Variants in SNTG2 observed in about 807,000 individuals in gnomAD.
SNTG2 encodes the protein gamma-2-syntrophin.
Under a neutral mutation model 70.9 loss-of-function variants are expected in SNTG2, and 74 were observed. The observed-to-expected ratio is 1.04, with a 90% CI of 0.86 to 1.27. SNTG2 has a LOEUF of 1.27. SNTG2 is among the 50% of genes most tolerant of loss of function. SNTG2 has a pLI of 0.00. For synonymous variants in SNTG2, 278 were observed against 273.8 expected (o/e 1.02, Z -0.15); for missense variants, 717 against 690.7 (o/e 1.04, Z -0.43).
At chr2:1,096,399 C>T (rs1206496251) in intron 2 of SNTG2, among the ~76,000 whole-genome samples, 1 of 152,046 alleles carries the variant, frequency 6.6e-6, no homozygotes, top group Non-Finnish European at 1.5e-5. Context: ...TATTATTAAC[C>T]ATAGTCACCA....
chr2:1,173,256 A>G lies in SNTG2; in HGVS notation c.591+73A>G, dbSNP rs1671250318. The G allele has an allele frequency of 2.6e-5, 35 of 1,326,880 alleles. No homozygotes were observed. The South Asian group carries it at 3.8e-4, about 14-fold the overall frequency. 82.2% of individuals were successfully genotyped at this position (1,326,880 alleles called of 1,614,324 possible). A position where few individuals can be genotyped will look rare whatever the true frequency, so the allele number is the denominator to read the frequency against. ...TAGCCCAGAGATAATCTCTAGACAG[A>G]ATTAAAAAGATGCTGTACTGCCCAG... On this transcript the variant is annotated intron_variant, in intron 8 of 16. Transcript: ENST00000308624.
rs1283400610 is a variant in SNTG2, at chr2:951,208, G to T, written c.72+140G>T. On this transcript the variant is annotated intron_variant, in intron 1 of 16. Transcript: ENST00000308624. Reference sequence around the variant, plus strand: ...CTGTCTCCGGGGACGGCTGGCCGGAGGGTGGGCGCCGGAGCCCCGGGACGC... The same window carrying T: ...CTGTCTCCGGGGACGGCTGGCCGGATGGTGGGCGCCGGAGCCCCGGGACGC... 1.4e-5 allele frequency: 6 copies of T among 425,592 alleles called. No individual in the cohort carries two copies. The East Asian group carries it at 2.3e-4, about 16-fold the overall frequency. 26.4% of individuals were successfully genotyped at this position (425,592 alleles called of 1,614,324 possible).
At position 1,353,084 on chromosome 2, in the gene SNTG2, T is replaced by G. The variant is rs1660667267; in HGVS notation, c.1489-14259T>G. Among the ~76,000 whole-genome samples, 1 of 152,024 alleles carries G rather than the reference T, an allele frequency of 6.6e-6. No homozygotes were observed. The highest frequency in any genetic ancestry group is 1.5e-5 in the Non-Finnish European group (1 of 68,002). The stretch of plus-strand genomic sequence containing the variant: ...CACCCCCACCCAGAAATCCACATGG[T>G]GCATTTTCGGAAAACTTTCCAGCCA... On this transcript the variant is annotated intron_variant, in intron 16 of 16. Coordinates refer to ENST00000308624, the MANE Select transcript of SNTG2 (RefSeq NM_018968.4). This position sits in a 1 kb window ranked among gnomAD's most constrained non-coding sequence, Gnocchi z 4.2.
chr2:1,209,199 T>A lies in SNTG2; in HGVS notation c.688T>A (p.Ser230Thr). 1 of 1,613,980 alleles carries A rather than the reference T, an allele frequency of 6.2e-7. No individual in the cohort carries two copies. The highest frequency in any genetic ancestry group is 8.5e-7 in the Non-Finnish European group (1 of 1,179,882). ...CGTGCCTCTGTCCATGGCTCGCATC[T>A]CAAGGTACAAAGCCGGAACGGAAAA... ...LSVPLSMARI[S>T]RYKAGTEKLR... The change falls in exon 9 of 17, where the codon TCA (serine) becomes ACA (threonine). Residue 230 changes from serine to threonine, a missense_variant. Physicochemically the swap from Ser to Thr is moderately conservative, Grantham distance 58 (BLOSUM62 1). Transcript: ENST00000308624.
chr2:1,064,149 G>GA (rs1663002805), intron 1 of SNTG2, among the ~76,000 whole-genome samples: 1 of 151,830 alleles, frequency 6.6e-6, no homozygotes, highest in Non-Finnish European at 1.5e-5. Flanking sequence ...AGTGCTAAAA[G>GA]AAAAAAATAA....
intron 1 of SNTG2, among the ~76,000 whole-genome samples, chr2:1,052,860 T>C (rs1390385414): frequency 1.3e-5 from 2 of 152,206 alleles, no homozygotes; most frequent in Non-Finnish European, 2.9e-5. Context: ...CAGCTGTAAG[T>C]TATTCAGTTG....
intron 1 of SNTG2, among the ~76,000 whole-genome samples, chr2:977,846 C>G (rs1660961635): frequency 6.6e-6 from 1 of 152,174 alleles, no homozygotes; most frequent in Non-Finnish European, 1.5e-5. Context: ...GCAGAGCCTT[C>G]CCGCCTCGTG....
chr2:999,873 G>T (rs1452724116), intron 1 of SNTG2, among the ~76,000 whole-genome samples: 2 of 151,728 alleles, frequency 1.3e-5, no homozygotes, highest in Admixed American at 6.6e-5. Context: ...CAACATATAA[G>T]GTCGCAAAAC....
chr2:1,287,013 G>A (rs572325181), intron 14 of SNTG2, among the ~76,000 whole-genome samples: 74 of 152,302 alleles, frequency 4.9e-4, no homozygotes, highest in African/African-American at 1.7e-3. Flanking sequence ...GACCAGGTGT[G>A]TTCTCCAGGT....
chr2:1,021,033 C>T (rs1187926035), intron 1 of SNTG2, among the ~76,000 whole-genome samples: 3 of 152,064 alleles, frequency 2.0e-5, no homozygotes, highest in Admixed American at 6.5e-5. Flanking sequence ...TATAGAGACA[C>T]TGTGGTTCCT....
At chr2:1,301,487 T>C (rs1445297822) in intron 14 of SNTG2, among the ~76,000 whole-genome samples, 2 of 152,224 alleles carry the variant, frequency 1.3e-5, no homozygotes, top group Non-Finnish European at 2.9e-5. Flanking sequence ...TTCCAGAAAC[T>C]GAACAAACTC....
In SNTG2 at chr2:1,150,883, C is replaced by T. The variant is rs530795933; in HGVS notation, c.411+13074C>T. ...CCGGGGACTTGCCTGGAGCTGGGCT[C>T]CCTCCGTGTGCCCAGAGCAGCCATG... On this transcript the variant is annotated intron_variant, in intron 6 of 16. Coordinates refer to ENST00000308624, the MANE Select transcript of SNTG2 (RefSeq NM_018968.4). Among the ~76,000 whole-genome samples, 399 of 147,130 alleles carry T rather than the reference C, an allele frequency of 2.7e-3. 9 individuals are homozygous for T. The South Asian group carries it at 0.042, about 16-fold the overall frequency.
At chr2:1,012,613 A>AGGGTGGTCTGTAG (rs1659765747) in intron 1 of SNTG2, among the ~76,000 whole-genome samples, 1 of 82,506 alleles carries the variant, frequency 1.2e-5, no homozygotes, top group Admixed American at 1.2e-4. Flanking sequence ...GTGGTCTGGA[A>AGGGTGGTCTGTAG]AGGGATTTAT....
At chr2:986,724 T>C (rs939380183) in intron 1 of SNTG2, among the ~76,000 whole-genome samples, 1 of 148,406 alleles carries the variant, frequency 6.7e-6, no homozygotes, top group African/African-American at 2.6e-5. Context: ...AAATAGAGGG[T>C]TCGTTCTTTT....
chr2:1,364,696 T>C, intron 16 of SNTG2, among the ~76,000 whole-genome samples: 1 of 143,186 alleles, frequency 7.0e-6, no homozygotes, highest in African/African-American at 2.6e-5. Flanking sequence ...GTTGAGACCA[T>C]CCTGGCTAAC....
At chr2:985,026 A>G (rs1053595003) in intron 1 of SNTG2, among the ~76,000 whole-genome samples, 5 of 152,166 alleles carry the variant, frequency 3.3e-5, no homozygotes, top group African/African-American at 1.2e-4. Context: ...AGCATATTAT[A>G]TGTCCATTTT....
intron 7 of SNTG2, among the ~76,000 whole-genome samples, chr2:1,169,806 A>G (rs5024309): frequency 0.25 from 38,214 of 152,138 alleles, 5,310 homozygotes; most frequent in East Asian, 0.44. Flanking sequence ...ACATGCAGGA[A>G]AGGGCAGCCT....
intron 8 of SNTG2, among the ~76,000 whole-genome samples, chr2:1,184,805 AC>A (rs1333601633): frequency 6.6e-6 from 1 of 152,182 alleles, no homozygotes; most frequent in African/African-American, 2.4e-5. Context: ...CAAATCCAAA[AC>A]ATATCATTCC....
intron 4 of SNTG2, 77 bp downstream of exon 4, chr2:1,098,487 C>A: frequency 6.9e-7 from 1 of 1,455,366 alleles, no homozygotes; most frequent in Non-Finnish European, 9.6e-7. Flanking sequence ...TGATAAAAAT[C>A]AGCAGATATG....
Sources: allele counts gnomAD v4.1 joint callset (sites outside exome capture counted in the v4.1 genomes callset), GRCh38; gene constraint gnomAD v4.1.1; non-coding constraint Gnocchi (gnomAD v3.1); transcripts MANE v1.5; gene names NCBI Gene and HGNC (gene_info 2026-07-23, HGNC 2026-07-21).